The following RUFY3 variants were observed in gnomAD, a reference collection of about 807,000 sequenced individuals.
RUFY3 encodes the protein RUN and FYVE domain containing 3, also known as protein RUFY3.
A neutral mutation model predicts 84.0 loss-of-function variants in RUFY3; 34 were observed. The observed-to-expected ratio is 0.40, with a 90% CI of 0.31 to 0.54. The LOEUF (loss-of-function observed/expected upper bound fraction) is 0.54. RUFY3 is among the 20% of genes least tolerant of loss of function. The probability of loss-of-function intolerance (pLI) is 0.39; values close to 1 mark genes in which losing one functional copy is unlikely to be tolerated. For synonymous variants in RUFY3, 242 were observed against 252.9 expected (o/e 0.96, Z 0.41); for missense variants, 507 against 736.8 (o/e 0.69, Z 3.61).
At chr4:70,718,983 G>A (rs769883252), upstream of RUFY3, among the ~76,000 whole-genome samples, 4 of 152,196 alleles carry the variant, frequency 2.6e-5, no homozygotes, top group South Asian at 2.1e-4. Context: ...CCACAGTACT[G>A]GGATGACAGG....
At position 70,764,140 on chromosome 4, in the gene RUFY3, A is replaced by G. The variant is rs2278135; in HGVS notation, c.471-335A>G. Among the ~76,000 whole-genome samples, 358 of 152,354 alleles carry G rather than the reference A, an allele frequency of 2.3e-3. 3 individuals carry two copies. The East Asian group carries it at 0.036, about 15-fold the overall frequency. On this transcript the variant is annotated intron_variant, in intron 3 of 17. Coordinates refer to ENST00000381006, the MANE Select transcript of RUFY3 (RefSeq NM_001037442.4). The stretch of plus-strand genomic sequence containing the variant: ...ACAGAGGCCTAGATTGCCTGTGTCC[A>G]CATTCATGCTTTGGACATTTATATA...
chr4:70,751,816 C>T (rs1050948987), intron 1 of RUFY3, among the ~76,000 whole-genome samples: 1 of 152,144 alleles, frequency 6.6e-6, no homozygotes, highest in Non-Finnish European at 1.5e-5. Flanking sequence ...AATATTTAGA[C>T]CTGTGTTTCC....
At chr4:70,765,082 G>C (rs1458382427) in intron 4 of RUFY3, among the ~76,000 whole-genome samples, 2 of 151,512 alleles carry the variant, frequency 1.3e-5, no homozygotes, top group African/African-American at 4.9e-5. Flanking sequence ...CAGCTACTTG[G>C]GCGGCTGAGG....
At chr4:70,705,101 G>C (rs1740112047) in exon 1 of RUFY3, 2 of 1,400,260 alleles carry the variant, frequency 1.4e-6, no homozygotes, top group South Asian at 1.5e-5. Context: ...CCGGGCAGTC[G>C]GAGCCCGACT....
intron 10 of RUFY3, among the ~76,000 whole-genome samples, chr4:70,787,185 A>ATATATAT (rs1304479411): frequency 8.4e-6 from 1 of 119,272 alleles, no homozygotes; most frequent in African/African-American, 3.5e-5. Flanking sequence ...AAAAAAAAAA[A>ATATATAT]AAATATATAT....
intron 1 of RUFY3, among the ~76,000 whole-genome samples, chr4:70,712,973 C>T (rs559266783): frequency 9.9e-5 from 15 of 152,212 alleles, no homozygotes; most frequent in Middle Eastern, 6.8e-3. Context: ...AGTAGCACAC[C>T]GTAAGCATTA....
intron 14 of RUFY3, among the ~76,000 whole-genome samples, chr4:70,798,713 C>T (rs546807251): frequency 1.3e-5 from 2 of 151,618 alleles, no homozygotes; most frequent in African/African-American, 2.4e-5. Flanking sequence ...AACCAGGAGG[C>T]AGAGGTTGCA....
chr4:70,759,637 C>A (rs116804609), intron 1 of RUFY3, among the ~76,000 whole-genome samples: 4,698 of 152,250 alleles, frequency 0.031, 105 homozygotes, highest in Non-Finnish European at 0.047. Flanking sequence ...GACATTCCCA[C>A]CAACAGTGTA....
intron 1 of RUFY3, among the ~76,000 whole-genome samples, chr4:70,711,663 A>G (rs1484892389): frequency 1.3e-5 from 2 of 152,204 alleles, no homozygotes; most frequent in African/African-American, 2.4e-5. Flanking sequence ...GAAATGTAGC[A>G]TCTTTCCAAG....
intron 1 of RUFY3, among the ~76,000 whole-genome samples, chr4:70,748,625 A>C (rs561615979): frequency 1.3e-5 from 2 of 152,268 alleles, no homozygotes; most frequent in South Asian, 2.1e-4. Context: ...AAAGGACTTT[A>C]TTACTCATGA....
chr4:70,755,604 TA>T (rs1336067926), intron 1 of RUFY3, among the ~76,000 whole-genome samples: 2 of 152,166 alleles, frequency 1.3e-5, no homozygotes, highest in Admixed American at 6.5e-5. Flanking sequence ...AAAATACCCT[TA>T]TATGGAAATT....
chr4:70,712,437 G>A (rs1741097565), intron 1 of RUFY3, among the ~76,000 whole-genome samples: 1 of 152,210 alleles, frequency 6.6e-6, no homozygotes, highest in African/African-American at 2.4e-5. Context: ...AGCAGTAAAG[G>A]TTGCTGGGTA....
exon 1 of RUFY3, chr4:70,704,866 C>T: frequency 9.6e-7 from 1 of 1,046,176 alleles, no homozygotes; most frequent in Non-Finnish European, 1.2e-6. Flanking sequence ...GGCGGCTCCT[C>T]GCCCTGACCC....
Position 70,722,556 on chromosome 4 carries a change from G to A in RUFY3, c.-18G>A, listed in dbSNP as rs759165105. 4.4e-6 allele frequency: 7 copies of A among 1,608,586 alleles called. No individual in the cohort carries two copies. The highest frequency in any genetic ancestry group is 5.9e-6 in the Non-Finnish European group (7 of 1,177,626). On this transcript the variant is annotated 5_prime_UTR_variant, in exon 1 of 18. Transcript: ENST00000381006. ...GTGTGTGTGTCTGTGTGTGTGTTGT[G>A]GTCCCAGCTGAGTCATCATGTCTGC...
chr4:70,711,136 T>A (rs534841886), intron 1 of RUFY3, among the ~76,000 whole-genome samples: 9 of 150,626 alleles, frequency 6.0e-5, no homozygotes, highest in Admixed American at 1.3e-4. Context: ...ACAATTTTTT[T>A]AAAAAAGAGA....
chr4:70,706,102 T>TAA (rs1740309802), intron 1 of RUFY3, among the ~76,000 whole-genome samples: 2 of 152,182 alleles, frequency 1.3e-5, no homozygotes, highest in Admixed American at 1.3e-4. Context: ...AGTAGGGCCC[T>TAA]AGAGTCGTCA....
intron 1 of RUFY3, among the ~76,000 whole-genome samples, chr4:70,759,076 A>G (rs1337933720): frequency 6.6e-6 from 1 of 152,100 alleles, no homozygotes; most frequent in Non-Finnish European, 1.5e-5. Context: ...TCACCATACA[A>G]TGCTACAGAA....
intron 5 of RUFY3, among the ~76,000 whole-genome samples, chr4:70,771,512 T>A (rs556582763): frequency 6.6e-6 from 1 of 152,242 alleles, no homozygotes; most frequent in East Asian, 1.9e-4. Flanking sequence ...ATTTTGTATA[T>A]TATAAATAGT....
intron 1 of RUFY3, among the ~76,000 whole-genome samples, chr4:70,751,581 AT>A (rs902439419): frequency 1.8e-4 from 27 of 152,134 alleles, no homozygotes; most frequent in African/African-American, 6.5e-4. Flanking sequence ...GCCTTTGCCC[AT>A]TCTTTTTTAC....
Sources: allele counts gnomAD v4.1 joint callset (sites outside exome capture counted in the v4.1 genomes callset), GRCh38; gene constraint gnomAD v4.1.1; transcripts MANE v1.5; gene names NCBI Gene and HGNC (gene_info 2026-07-23, HGNC 2026-07-21).